The following KAZN variants were observed in gnomAD, a reference collection of about 807,000 sequenced individuals.
The protein encoded by KAZN is kazrin.
A neutral mutation model predicts 87.4 loss-of-function variants in KAZN; 40 were observed. The observed-to-expected ratio is 0.46, with a 90% confidence interval of 0.36 to 0.60. The LOEUF (loss-of-function observed/expected upper bound fraction) is 0.60. KAZN is among the 20% of genes least tolerant of loss of function. The probability of loss-of-function intolerance (pLI) is 0.00; values close to 1 mark genes in which losing one functional copy is unlikely to be tolerated. For missense variants in KAZN, 898 were observed against 1,073.9 expected (o/e 0.84, Z 2.29); for synonymous variants, 466 against 458.3 (o/e 1.02, Z -0.22).
At chr1:13,947,287 T>TA (rs751532592) in intron 1 of KAZN, among the ~76,000 whole-genome samples, 80 of 152,248 alleles carry the variant, frequency 5.3e-4, no homozygotes, top group Non-Finnish European at 5.7e-4. Context: ...CATCAGCTCT[T>TA]ACGGGAACTC....
chr1:15,100,139 G>A (rs182527071), intron 10 of KAZN, among the ~76,000 whole-genome samples: 14 of 152,290 alleles, frequency 9.2e-5, no homozygotes, highest in East Asian at 3.9e-4. Flanking sequence ...CCTCCCTCAC[G>A]GGTGCCTTCC....
At chr1:15,105,499 G>A (rs1004398747) in intron 13 of KAZN, among the ~76,000 whole-genome samples, 19 of 151,784 alleles carry the variant, frequency 1.3e-4, no homozygotes, top group African/African-American at 3.9e-4. Context: ...ATATAAAGTT[G>A]GTAGTCATAT....
intron 1 of KAZN, among the ~76,000 whole-genome samples, chr1:13,997,631 C>T (rs1639585534): frequency 6.6e-6 from 1 of 151,318 alleles, no homozygotes; most frequent in Non-Finnish European, 1.5e-5. Flanking sequence ...AGTTTGATGA[C>T]CACATTATTG....
chr1:14,490,660 T>C (rs1669599289), intron 2 of KAZN, among the ~76,000 whole-genome samples: 1 of 152,164 alleles, frequency 6.6e-6, no homozygotes, highest in Non-Finnish European at 1.5e-5. Context: ...CCCCAGCTAA[T>C]ATTTCTATTT....
chr1:14,994,791 G>A lies in KAZN; in HGVS notation c.418+33916G>A, dbSNP rs1440876785. On this transcript the variant is annotated intron_variant, in intron 2 of 14. Coordinates refer to ENST00000376030, the MANE Select transcript of KAZN (RefSeq NM_201628.3). ...CCCTCTGAGACTCCGTGTATTCATCGGCAAAGTGGGGATAATCAAACCTGC... is the reference window on the plus strand; with the variant it reads ...CCCTCTGAGACTCCGTGTATTCATCAGCAAAGTGGGGATAATCAAACCTGC... Among the ~76,000 whole-genome samples the A allele has an allele frequency of 4.6e-5, 7 of 152,164 alleles. No homozygotes were observed. The South Asian group carries it at 6.2e-4, about 14-fold the overall frequency.
At chr1:14,924,382 G>A (rs1402203614) in intron 1 of KAZN, 4 of 989,044 alleles carry the variant, frequency 4.0e-6, no homozygotes, top group Non-Finnish European at 3.6e-6. Context: ...CGGCCGACTC[G>A]GGCTCGTGGG....
intron 2 of KAZN, among the ~76,000 whole-genome samples, chr1:14,990,762 T>C (rs542893836): frequency 1.3e-5 from 2 of 151,866 alleles, no homozygotes; most frequent in Non-Finnish European, 2.9e-5. Context: ...TTATGCCCCC[T>C]AAAAATTCAC....
intron 1 of KAZN, among the ~76,000 whole-genome samples, chr1:14,804,887 T>G (rs77215988): frequency 0.012 from 1,774 of 152,264 alleles, 34 homozygotes; most frequent in African/African-American, 0.041. Context: ...CTAGGCGTAA[T>G]TGGCACCACA....
chr1:14,268,410 CAAG>C (rs1431041264), intron 2 of KAZN, among the ~76,000 whole-genome samples: 3 of 146,074 alleles, frequency 2.1e-5, no homozygotes, highest in African/African-American at 7.6e-5. Context: ...AGTTTGAAAA[CAAG>C]AAGATTTTTG....
intron 2 of KAZN, among the ~76,000 whole-genome samples, chr1:14,462,550 T>C (rs1052190191): frequency 6.6e-6 from 1 of 152,144 alleles, no homozygotes; most frequent in Non-Finnish European, 1.5e-5. Context: ...TTTTTGGCTT[T>C]GACCAGTGTA....
chr1:14,152,693 T>C (rs1279528488), intron 1 of KAZN, among the ~76,000 whole-genome samples: 1 of 152,250 alleles, frequency 6.6e-6, no homozygotes, highest in Admixed American at 6.5e-5. Flanking sequence ...TCCTTCCTTT[T>C]GGGTATGTAC....
intron 1 of KAZN, among the ~76,000 whole-genome samples, chr1:14,917,128 A>G (rs72871827): frequency 0.032 from 4,948 of 152,248 alleles, 258 homozygotes; most frequent in African/African-American, 0.11. Flanking sequence ...AAAACCATCA[A>G]AGGGTATCAG....
intron 1 of KAZN, among the ~76,000 whole-genome samples, chr1:14,800,154 T>C (rs1258731297): frequency 6.6e-6 from 1 of 152,174 alleles, no homozygotes; most frequent in Non-Finnish European, 1.5e-5. Flanking sequence ...ACCCCAAGGC[T>C]GACCCAGCAT....
chr1:14,890,840 C>CTTTTCTTT (rs1654632276), intron 1 of KAZN, among the ~76,000 whole-genome samples: 1 of 69,676 alleles, frequency 1.4e-5, no homozygotes, highest in African/African-American at 6.1e-5. Context: ...GGAATCTGGA[C>CTTTTCTTT]TTTTTTTTTT....
chr1:15,078,664 G>C (rs1003696802), intron 8 of KAZN, among the ~76,000 whole-genome samples: 17 of 152,190 alleles, frequency 1.1e-4, no homozygotes, highest in African/African-American at 4.1e-4. Flanking sequence ...AGGATCCTTT[G>C]CCCCATGCTG....
At chr1:15,098,649 G>A (rs919234651) in intron 10 of KAZN, among the ~76,000 whole-genome samples, 1 of 152,236 alleles carries the variant, frequency 6.6e-6, no homozygotes, top group Non-Finnish European at 1.5e-5. Context: ...CGAGAGAACC[G>A]TCCTGTAACA....
intron 1 of KAZN, among the ~76,000 whole-genome samples, chr1:13,965,016 G>A (rs571777605): frequency 2.8e-4 from 42 of 152,210 alleles, no homozygotes; most frequent in Admixed American, 2.0e-3. Flanking sequence ...GGGCAGGGAC[G>A]CACCTGGGGC....
At chr1:14,961,511 C>T (rs1297795255) in intron 2 of KAZN, among the ~76,000 whole-genome samples, 1 of 152,148 alleles carries the variant, frequency 6.6e-6, no homozygotes, top group East Asian at 1.9e-4. Flanking sequence ...TCCCGGGAGG[C>T]ACTGCCACAT....
At position 14,789,245 on chromosome 1, in the gene KAZN, C is replaced by G. The variant is rs1645600586; in HGVS notation, c.227-171439C>G. On this transcript the variant is annotated intron_variant, in intron 1 of 14. Transcript: ENST00000376030. ...GAGGGCTTCCCAAGGCAAACCTTGT[C>G]TGCCTTACTGCTTAAAACTAGAGCC... is the stretch of plus-strand genomic sequence containing the variant. 5.3e-5 allele frequency among the ~76,000 whole-genome samples: 8 copies of G among 152,300 alleles called. No homozygotes were observed. In the South Asian group the frequency reaches 1.7e-3, roughly 32 times the overall value.
Sources: allele counts gnomAD v4.1 joint callset (sites outside exome capture counted in the v4.1 genomes callset), GRCh38; gene constraint gnomAD v4.1.1; transcripts MANE v1.5; gene names NCBI Gene and HGNC (gene_info 2026-07-23, HGNC 2026-07-21).